ZNF521: variants seen among roughly 807,000 people sequenced by gnomAD.
The protein encoded by ZNF521 is LYST-interacting protein 3.
In ZNF521, 14 loss-of-function variants were observed where a neutral mutation model predicts 105.5. That is an observed-to-expected ratio of 0.13 (90% confidence interval 0.09 to 0.21). The LOEUF is 0.21. Among genes scored for constraint, ZNF521 ranks in the 10% least tolerant of loss-of-function variants. The pLI is 1.00. For synonymous variants in ZNF521, 635 were observed against 606.0 expected, an observed-to-expected ratio of 1.05 and a Z score of -0.70; for missense variants, 1,233 against 1,629.7, an observed-to-expected ratio of 0.76 and a Z score of 4.19.
At chr18:25,205,390 C>T (rs9304475) in intron 4 of ZNF521, among the ~76,000 whole-genome samples, 79,197 of 151,890 alleles carry the variant, frequency 0.52, 21,479 homozygotes, top group African/African-American at 0.68. Context: ...ATCACTCTTT[C>T]AGAAACAAAC....
chr18:25,138,308 C>T (rs1317297559), intron 5 of ZNF521, among the ~76,000 whole-genome samples: 1 of 152,172 alleles, frequency 6.6e-6, no homozygotes, highest in East Asian at 1.9e-4. Context: ...AAACAAATAT[C>T]GGAAAGTTAT....
At chr18:25,316,145 A>C (rs1912598198) in intron 3 of ZNF521, among the ~76,000 whole-genome samples, 1 of 152,064 alleles carries the variant, frequency 6.6e-6, no homozygotes, top group African/African-American at 2.4e-5. Flanking sequence ...AAGGGAATCC[A>C]CAAGCAACAA....
At chr18:25,274,345 C>T (rs1035616370) in intron 3 of ZNF521, among the ~76,000 whole-genome samples, 6 of 152,138 alleles carry the variant, frequency 3.9e-5, no homozygotes, top group South Asian at 2.1e-4. Flanking sequence ...GACCAGAAGG[C>T]GGTCTCTTCT....
chr18:25,108,214 T>C (rs1038554469), intron 5 of ZNF521, among the ~76,000 whole-genome samples: 1 of 152,362 alleles, frequency 6.6e-6, no homozygotes, highest in African/African-American at 2.4e-5. Context: ...TTGAATGAGA[T>C]AAATGTTAAT....
At chr18:25,109,264 T>G (rs1272589956) in intron 5 of ZNF521, among the ~76,000 whole-genome samples, 1 of 152,222 alleles carries the variant, frequency 6.6e-6, no homozygotes, top group Admixed American at 6.5e-5. Flanking sequence ...GCTCTATCCA[T>G]GTTGCTGCAA....
intron 5 of ZNF521, among the ~76,000 whole-genome samples, chr18:25,175,188 A>G (rs1159836634): frequency 6.6e-6 from 1 of 152,342 alleles, no homozygotes; most frequent in African/African-American, 2.4e-5. Context: ...AGTCATCACA[A>G]TAGCCTGTGT....
chr18:25,119,408 A>C (rs1255501396), intron 5 of ZNF521, among the ~76,000 whole-genome samples: 1 of 152,204 alleles, frequency 6.6e-6, no homozygotes, highest in East Asian at 1.9e-4. Flanking sequence ...AAGATTGACC[A>C]TATGTTCACC....
At chr18:25,126,886 C>A (rs2034548677) in intron 5 of ZNF521, among the ~76,000 whole-genome samples, 1 of 152,024 alleles carries the variant, frequency 6.6e-6, no homozygotes, top group Non-Finnish European at 1.5e-5. Context: ...TGATAGCCTC[C>A]AGCACCATAA....
rs138208901 is a variant in ZNF521, at chr18:25,223,134, T to C, written c.3573+1211A>G. 2.4e-3 allele frequency among the ~76,000 whole-genome samples: 372 copies of C among 152,356 alleles called. 3 individuals are homozygous for C. The highest frequency in any genetic ancestry group is 8.6e-3 in the African/African-American group (358 of 41,592). Reference sequence around the variant, plus strand: ...CTAATATTTGTTTCAAAAGAAACAATTTGATCCAACCCATGAGCTATGAGC... The same window carrying C: ...CTAATATTTGTTTCAAAAGAAACAACTTGATCCAACCCATGAGCTATGAGC... On this transcript the variant is annotated intron_variant, in intron 4 of 7. Transcript: ENST00000361524.
intron 5 of ZNF521, among the ~76,000 whole-genome samples, chr18:25,132,169 CATTT>C (rs2144398676): frequency 6.6e-6 from 1 of 152,270 alleles, no homozygotes; most frequent in Non-Finnish European, 1.5e-5. Flanking sequence ...GTACTGGGAA[CATTT>C]TTCTGGGAAA....
chr18:25,233,667 T>TA (rs1290417206), intron 3 of ZNF521, among the ~76,000 whole-genome samples: 2 of 151,204 alleles, frequency 1.3e-5, no homozygotes, highest in Non-Finnish European at 3.0e-5. Flanking sequence ...CAGAGGTTTT[T>TA]TTTTTTTTTT....
At chr18:25,320,099 A>G (rs1377811683) in intron 3 of ZNF521, among the ~76,000 whole-genome samples, 1 of 152,232 alleles carries the variant, frequency 6.6e-6, no homozygotes, top group Non-Finnish European at 1.5e-5. Context: ...GCTACCAAAG[A>G]CATTATTAAG....
intron 3 of ZNF521, among the ~76,000 whole-genome samples, chr18:25,257,473 G>C (rs910193278): frequency 3.3e-5 from 5 of 152,112 alleles, no homozygotes; most frequent in African/African-American, 7.2e-5. Flanking sequence ...TTCTTGGTAA[G>C]TTCAAAAGGG....
chr18:25,079,601 AAGAGAGAGAGAGAG>A (rs34772670), intron 7 of ZNF521, among the ~76,000 whole-genome samples: 16 of 148,142 alleles, frequency 1.1e-4, no homozygotes, highest in South Asian at 2.2e-4. Flanking sequence ...AGGAAAAAGT[AAGAGAGAGAGAGAG>A]AGAGAGAGAG....
chr18:25,144,828 A>T (rs1436360565), intron 5 of ZNF521, among the ~76,000 whole-genome samples: 2 of 152,282 alleles, frequency 1.3e-5, no homozygotes, highest in South Asian at 2.1e-4. Flanking sequence ...GTGATTTTAG[A>T]ATCTCAAGAT....
intron 2 of ZNF521, among the ~76,000 whole-genome samples, chr18:25,323,039 T>G (rs1232539731): frequency 6.6e-6 from 1 of 151,940 alleles, no homozygotes; most frequent in Non-Finnish European, 1.5e-5. Context: ...AAACGCTTTT[T>G]GATTAGTTAC....
chr18:25,100,234 G>A (rs2033941032), intron 5 of ZNF521, among the ~76,000 whole-genome samples: 5 of 151,924 alleles, frequency 3.3e-5, no homozygotes, highest in Admixed American at 2.0e-4. Context: ...AACAACAAAA[G>A]CAAATCAAAC....
chr18:25,347,061 CAAGA>C (rs1334101288), intron 2 of ZNF521, among the ~76,000 whole-genome samples: 1 of 152,052 alleles, frequency 6.6e-6, no homozygotes, highest in Non-Finnish European at 1.5e-5. Flanking sequence ...AGAGGCACCA[CAAGA>C]AAGAGAATAA....
chr18:25,306,206 C>T (rs1347821771), intron 3 of ZNF521, among the ~76,000 whole-genome samples: 1 of 152,068 alleles, frequency 6.6e-6, no homozygotes, highest in Non-Finnish European at 1.5e-5. Context: ...GAATTAATTA[C>T]TACTGAATGA....
Sources: allele counts gnomAD v4.1 joint callset (sites outside exome capture counted in the v4.1 genomes callset), GRCh38; gene constraint gnomAD v4.1.1; transcripts MANE v1.5; gene names NCBI Gene and HGNC (gene_info 2026-07-23, HGNC 2026-07-21).